Variants in RAPGEF4 observed in about 807,000 individuals in gnomAD.
The protein encoded by RAPGEF4 is RAP guanine-nucleotide-exchange factor (GEF) 4.
RAPGEF4 carries 66 observed loss-of-function variants against 147.9 expected under a neutral mutation model. The observed-to-expected ratio is 0.45, with a 90% CI of 0.37 to 0.55. RAPGEF4 has a LOEUF of 0.55. Ranked by LOEUF, RAPGEF4 falls within the 20% of genes least tolerant of loss-of-function variation. RAPGEF4 has a pLI of 0.00. For synonymous variants in RAPGEF4, 419 were observed against 442.7 expected (o/e 0.95, Z 0.67); for missense variants, 1,071 against 1,257.3 (o/e 0.85, Z 2.24).
intron 4 of RAPGEF4, among the ~76,000 whole-genome samples, chr2:172,875,067 A>G (rs1440009711): frequency 6.6e-6 from 1 of 152,144 alleles, no homozygotes. Flanking sequence ...GTCTGTTCAC[A>G]TCCTTTGCCC....
chr2:172,838,530 G>A (rs1304965843), intron 4 of RAPGEF4, among the ~76,000 whole-genome samples: 2 of 152,154 alleles, frequency 1.3e-5, no homozygotes, highest in African/African-American at 2.4e-5. Context: ...CTCATGCACG[G>A]TAGAAAGTTA....
intron 2 of RAPGEF4, 126 bp from the exon 3 acceptor site, chr2:172,797,399 C>A: frequency 1.6e-6 from 1 of 643,424 alleles, no homozygotes; most frequent in Non-Finnish European, 2.7e-6. Flanking sequence ...CTGTGGGCAA[C>A]AGATAGGGGA....
intron 4 of RAPGEF4, among the ~76,000 whole-genome samples, chr2:172,856,693 T>A (rs780498817): frequency 5.9e-5 from 9 of 152,218 alleles, no homozygotes; most frequent in Non-Finnish European, 1.0e-4. Context: ...GCTTCACATA[T>A]GTATAGTACT....
chr2:173,048,385 T>C, intron 29 of RAPGEF4: 2 of 1,043,746 alleles, frequency 1.9e-6, no homozygotes, highest in Non-Finnish European at 2.6e-6. Context: ...ATGCCATTAA[T>C]ATTCCTTACC....
intron 1 of RAPGEF4, among the ~76,000 whole-genome samples, chr2:172,771,285 A>G (rs891203789): frequency 6.6e-6 from 1 of 152,044 alleles, no homozygotes; most frequent in South Asian, 2.1e-4. Flanking sequence ...TTCTTTTATA[A>G]GAACGGTAGT....
chr2:172,889,721 A>C, intron 4 of RAPGEF4: 2 of 497,986 alleles, frequency 4.0e-6, no homozygotes, highest in Non-Finnish European at 5.2e-6. Context: ...CTGCATCACT[A>C]ATCTGATTTG....
chr2:172,786,802 GGA>G (rs1463140426), intron 1 of RAPGEF4, among the ~76,000 whole-genome samples: 1 of 152,158 alleles, frequency 6.6e-6, no homozygotes, highest in Non-Finnish European at 1.5e-5. Flanking sequence ...CTTGAGGTTA[GGA>G]GTTTGAGGCT....
At chr2:172,793,511 T>A (rs1055699085) in intron 1 of RAPGEF4, among the ~76,000 whole-genome samples, 2 of 152,198 alleles carry the variant, frequency 1.3e-5, no homozygotes, top group Non-Finnish European at 2.9e-5. Flanking sequence ...TGGGAGCACA[T>A]GGCTATTTGG....
intron 6 of RAPGEF4, among the ~76,000 whole-genome samples, chr2:172,930,134 C>T (rs1383684663): frequency 1.3e-5 from 2 of 151,998 alleles, no homozygotes; most frequent in East Asian, 3.9e-4. Flanking sequence ...GTGGGTGCTA[C>T]CCAGGGGGAA....
At chr2:172,907,280 C>A (rs1351597622) in intron 4 of RAPGEF4, among the ~76,000 whole-genome samples, 1 of 152,218 alleles carries the variant, frequency 6.6e-6, no homozygotes, top group Non-Finnish European at 1.5e-5. Flanking sequence ...TGGGGACAGG[C>A]ATCTGGCCTC....
intron 4 of RAPGEF4, among the ~76,000 whole-genome samples, chr2:172,854,143 C>G (rs1414409811): frequency 6.6e-6 from 1 of 151,952 alleles, no homozygotes; most frequent in African/African-American, 2.4e-5. Context: ...TCTTATATGT[C>G]CCCACTGATT....
rs562915783 is a variant in RAPGEF4, at chr2:172,789,006, G to A, written c.66-6019G>A. Among the ~76,000 whole-genome samples the A allele has an allele frequency of 7.2e-5, 11 of 152,326 alleles. No individual in the cohort carries two copies. The South Asian group carries it at 1.7e-3, about 23-fold the overall frequency. On this transcript the variant is annotated intron_variant, in intron 1 of 30. Transcript: ENST00000397081. The stretch of plus-strand genomic sequence containing the variant: ...TTTGGCAGAATTCAGTTCTTGCAGT[G>A]GTAAGCCTGAGGTCCTTGTTTTCTT...
intron 10 of RAPGEF4, among the ~76,000 whole-genome samples, chr2:172,976,963 C>T (rs938330177): frequency 7.9e-5 from 12 of 152,220 alleles, no homozygotes; most frequent in African/African-American, 1.2e-4. Flanking sequence ...CTTTCCACAG[C>T]GGGATCCGAC....
At chr2:172,864,240 G>C (rs906561970) in intron 4 of RAPGEF4, among the ~76,000 whole-genome samples, 3 of 152,160 alleles carry the variant, frequency 2.0e-5, no homozygotes, top group Non-Finnish European at 4.4e-5. Flanking sequence ...GAGGTAGCTG[G>C]GGCAAAAGTT....
At chr2:172,891,230 A>G (rs1697874769) in intron 4 of RAPGEF4, among the ~76,000 whole-genome samples, 1 of 152,154 alleles carries the variant, frequency 6.6e-6, no homozygotes, top group African/African-American at 2.4e-5. Flanking sequence ...CACAGATCTC[A>G]CACCCATGAA....
intron 4 of RAPGEF4, among the ~76,000 whole-genome samples, chr2:172,832,564 G>C (rs1245653136): frequency 6.6e-6 from 1 of 152,186 alleles, no homozygotes; most frequent in Non-Finnish European, 1.5e-5. Context: ...TGCAATACCA[G>C]TTTTAAATGC....
chr2:172,856,991 G>A (rs1362561487), intron 4 of RAPGEF4, among the ~76,000 whole-genome samples: 1 of 123,978 alleles, frequency 8.1e-6, no homozygotes, highest in Non-Finnish European at 1.6e-5. Flanking sequence ...CTTTATTTCT[G>A]CCTGTTCTCA....
At chr2:172,828,911 G>A (rs1316320952) in intron 4 of RAPGEF4, among the ~76,000 whole-genome samples, 1 of 152,204 alleles carries the variant, frequency 6.6e-6, no homozygotes, top group East Asian at 1.9e-4. Flanking sequence ...CTGCAAGGAG[G>A]CTGAGTTTCC....
At chr2:172,857,174 GCA>G (rs34315927) in intron 4 of RAPGEF4, among the ~76,000 whole-genome samples, 28,053 of 149,972 alleles carry the variant, frequency 0.19, 3,135 homozygotes, top group Middle Eastern at 0.29. Flanking sequence ...GTGTGCGCGC[GCA>G]CACACACACA....
Sources: gnomAD v4.1 joint callset for allele counts (sites outside exome capture counted in the v4.1 genomes callset) on GRCh38, gnomAD v4.1.1 for gene constraint, MANE v1.5 for transcripts, NCBI Gene and HGNC (gene_info 2026-07-23, HGNC 2026-07-21) for gene names.